The following FER1L6 variants were observed in gnomAD, a reference collection of about 807,000 sequenced individuals.
FER1L6 encodes the protein fer-1 like family member 6.
In FER1L6, 177 loss-of-function variants were observed where a neutral mutation model predicts 219.2. The observed-to-expected ratio is 0.81, with a 90% CI of 0.71 to 0.91. The LOEUF is 0.91. FER1L6 is among the 40% of genes least tolerant of loss of function. FER1L6 has a pLI of 0.00. For missense variants in FER1L6, 2,153 were observed against 2,259.9 expected, an observed-to-expected ratio of 0.95 and a Z score of 0.96; for synonymous variants, 768 against 824.3, an observed-to-expected ratio of 0.93 and a Z score of 1.17.
At chr8:124,100,286 C>T (rs951193542) in intron 37 of FER1L6, among the ~76,000 whole-genome samples, 1 of 152,148 alleles carries the variant, frequency 6.6e-6, no homozygotes, top group South Asian at 2.1e-4. Flanking sequence ...TTGTAACTTA[C>T]GTTATGCTGG....
At position 124,091,838 on chromosome 8, in the gene FER1L6, A is replaced by G. The variant is rs7822412; in HGVS notation, c.4552+255A>G. Among the ~76,000 whole-genome samples the G allele has an allele frequency of 0.84, 128,270 of 151,940 alleles. 54,281 individuals carry two copies. Among genetic ancestry groups the G allele is most frequent in the African/African-American group, 0.87 (35,962 of 41,428 alleles). On this transcript the variant is annotated intron_variant, in intron 34 of 40. Coordinates refer to ENST00000522917, the MANE Select transcript of FER1L6 (RefSeq NM_001039112.2). The stretch of plus-strand genomic sequence containing the variant: ...AAAAAGTAGCCATGCGTGGTGGCAG[A>G]TGCCTGTAATCCCAGCTACTGGGGA...
chr8:123,921,960 T>C (rs1813376468), intron 1 of FER1L6, among the ~76,000 whole-genome samples: 1 of 152,218 alleles, frequency 6.6e-6, no homozygotes, highest in African/African-American at 2.4e-5. Flanking sequence ...TCTCCATTTC[T>C]GACAGGATGG....
In FER1L6 at chr8:124,066,472, G is replaced by A. The variant is rs1301126930; in HGVS notation, c.3600G>A (p.Arg1200=). ...PSRRSTKRRK[R]TIADESAENV... Reference sequence around the variant, plus strand: ...GGAGGTCCACTAAGAGGAGAAAGAGGACCATAGCAGATGAATCTGCTGAAA... The same window carrying A: ...GGAGGTCCACTAAGAGGAGAAAGAGAACCATAGCAGATGAATCTGCTGAAA... Residue 1200 remains arginine (R), a synonymous_variant, in exon 27 of 41, where the codon AGG becomes AGA. Coordinates refer to ENST00000522917, the MANE Select transcript of FER1L6 (RefSeq NM_001039112.2). 4 of 1,614,074 alleles carry A rather than the reference G, an allele frequency of 2.5e-6. No individual in the cohort carries two copies. In the South Asian group the frequency reaches 4.4e-5, roughly 18 times the overall value.
chr8:124,115,259 G>T (rs550806256), intron 39 of FER1L6, among the ~76,000 whole-genome samples: 1 of 151,512 alleles, frequency 6.6e-6, no homozygotes, highest in South Asian at 2.1e-4. Flanking sequence ...ACATTTAGAG[G>T]ATATTATTAG....
At chr8:123,872,981 A>G (rs1816949706) in intron 1 of FER1L6, among the ~76,000 whole-genome samples, 1 of 152,168 alleles carries the variant, frequency 6.6e-6, no homozygotes, top group Admixed American at 6.5e-5. Context: ...CATTTCCCCC[A>G]TTGTCTCCCA....
chr8:124,025,961 TAGA>T (rs112480375), intron 18 of FER1L6, among the ~76,000 whole-genome samples: 1 of 152,204 alleles, frequency 6.6e-6, no homozygotes, highest in African/African-American at 2.4e-5. Context: ...CAAAGAAAAT[TAGA>T]AGAAGGACAG....
At chr8:123,866,685 C>G (rs879627055) in intron 1 of FER1L6, among the ~76,000 whole-genome samples, 10 of 152,174 alleles carry the variant, frequency 6.6e-5, no homozygotes, top group Non-Finnish European at 1.0e-4. Flanking sequence ...GTGGTGCTAT[C>G]TAGCTCACTG....
chr8:124,040,831 C>T (rs1434560918), intron 20 of FER1L6: 2 of 152,188 alleles, frequency 1.3e-5, no homozygotes, highest in East Asian at 3.8e-4. Flanking sequence ...ATAGATTAAT[C>T]CATTTGTGAA....
intron 26 of FER1L6, among the ~76,000 whole-genome samples, 170 bp from the exon 27 acceptor site, chr8:124,066,258 G>A (rs1296832789): frequency 6.6e-6 from 1 of 152,176 alleles, no homozygotes; most frequent in Non-Finnish European, 1.5e-5. Context: ...ATAGATTCTT[G>A]AACTTTCATT....
intron 20 of FER1L6, among the ~76,000 whole-genome samples, chr8:124,042,805 A>C (rs980869810): frequency 6.6e-6 from 1 of 152,232 alleles, no homozygotes; most frequent in African/African-American, 2.4e-5. Flanking sequence ...CCAGTGCTTT[A>C]TAAAGTGACT....
chr8:124,071,637 C>T lies in FER1L6; in HGVS notation c.4092+6C>T. 1 of 1,610,860 alleles carries T rather than the reference C, an allele frequency of 6.2e-7. No individual in the cohort carries two copies. Among genetic ancestry groups the T allele is most frequent in the Non-Finnish European group, 8.5e-7 (1 of 1,177,498 alleles). On this transcript the variant is annotated splice_donor_region_variant and intron_variant, in intron 31 of 40. Transcript: ENST00000522917. ...TCAGAGTATACATTGTCGCGGTGAG[C>T]CATTCTTGTTTGCTCTGAGGGGGTG... is the stretch of plus-strand genomic sequence containing the variant.
At chr8:123,963,767 T>C (rs1241725892) in intron 3 of FER1L6, among the ~76,000 whole-genome samples, 1 of 152,210 alleles carries the variant, frequency 6.6e-6, no homozygotes, top group Non-Finnish European at 1.5e-5. Flanking sequence ...AGAAGGTGGT[T>C]CTTATGCTAC....
Position 124,091,478 on chromosome 8 carries a change from C to T in FER1L6, c.4447C>T (p.Leu1483Phe). 6.2e-7 allele frequency: 1 copy of T among 1,613,936 alleles called. No individual in the cohort carries two copies. The highest frequency in any genetic ancestry group is 8.5e-7 in the Non-Finnish European group (1 of 1,179,794). Residue 1483 changes from leucine to phenylalanine, a missense_variant, in exon 34 of 41, where the codon CTC becomes TTC. Coordinates refer to ENST00000522917, the MANE Select transcript of FER1L6 (RefSeq NM_001039112.2). ...CAAACCCACCGAAATCCTCACTAAG[C>T]TCTGCAAAGACAACAAGCTGGATGG... ...TSKPTEILTK[L>F]CKDNKLDGPY...
At chr8:123,980,225 A>G (rs1816262573) in intron 10 of FER1L6, among the ~76,000 whole-genome samples, 1 of 152,234 alleles carries the variant, frequency 6.6e-6, no homozygotes, top group African/African-American at 2.4e-5. Context: ...GAATAAGTGA[A>G]CAGAACAGAA....
At position 123,907,440 on chromosome 8, in the gene FER1L6, AG is replaced by A. The variant is rs557861031; in HGVS notation, c.-7-48551del. 2.7e-3 allele frequency among the ~76,000 whole-genome samples: 404 copies of A among 152,190 alleles called. 3 individuals carry two copies. The highest frequency in any genetic ancestry group is 9.0e-3 in the African/African-American group (374 of 41,568). Reference sequence around the variant, plus strand: ...TCAGTAACTCACCTAGTTGTGGTCCAGTATCTGATGGGGCAACCCTGACTTT... The same window carrying A: ...TCAGTAACTCACCTAGTTGTGGTCCATATCTGATGGGGCAACCCTGACTTT... On this transcript the variant is annotated intron_variant, in intron 1 of 40. Coordinates refer to ENST00000522917, the MANE Select transcript of FER1L6 (RefSeq NM_001039112.2).
At chr8:124,075,323 T>G (rs963511779) in intron 31 of FER1L6, among the ~76,000 whole-genome samples, 16 of 150,996 alleles carry the variant, frequency 1.1e-4, no homozygotes, top group Non-Finnish European at 1.5e-5. Context: ...ACTTTGTTGT[T>G]AAAAACTAAA....
intron 1 of FER1L6, among the ~76,000 whole-genome samples, chr8:123,927,162 GAAAA>G (rs10531303): frequency 4.4e-5 from 6 of 135,704 alleles, no homozygotes; most frequent in African/African-American, 5.5e-5. Flanking sequence ...CAGCAGGCAG[GAAAA>G]AAAAAAAAAA....
intron 1 of FER1L6, among the ~76,000 whole-genome samples, chr8:123,919,675 T>C (rs1445635481): frequency 6.6e-6 from 1 of 152,230 alleles, no homozygotes; most frequent in East Asian, 1.9e-4. Flanking sequence ...AAAAAGTCTT[T>C]TCTGTTTTCC....
In FER1L6 at chr8:123,946,293, G is replaced by A. The variant is rs191773330; in HGVS notation, c.-7-9699G>A. 5.9e-4 allele frequency among the ~76,000 whole-genome samples: 90 copies of A among 152,218 alleles called. No individual in the cohort carries two copies. The East Asian group carries it at 0.011, about 18-fold the overall frequency. Reference sequence around the variant, plus strand: ...TTGAGATGGAGTCTCACTTTGTCATGCAAGCTGGAATGCAGTGGGGAGATC... The same window carrying A: ...TTGAGATGGAGTCTCACTTTGTCATACAAGCTGGAATGCAGTGGGGAGATC... On this transcript the variant is annotated intron_variant, in intron 1 of 40. Coordinates refer to ENST00000522917, the MANE Select transcript of FER1L6 (RefSeq NM_001039112.2).
Sources: gnomAD v4.1 joint callset for allele counts (sites outside exome capture counted in the v4.1 genomes callset) on GRCh38, gnomAD v4.1.1 for gene constraint, MANE v1.5 for transcripts, NCBI Gene and HGNC (gene_info 2026-07-23, HGNC 2026-07-21) for gene names.